Variants in IL1RAPL2 observed in about 807,000 individuals in gnomAD.
IL1RAPL2 encodes the protein X-linked interleukin-1 receptor accessory protein-like 2.
In IL1RAPL2, 3 loss-of-function variants were observed where a neutral mutation model predicts 44.1. The observed-to-expected ratio is 0.07, with a 90% CI of 0.03 to 0.18. The LOEUF (loss-of-function observed/expected upper bound fraction) is 0.18. IL1RAPL2 is among the 10% of genes least tolerant of loss of function. The pLI is 1.00. For missense variants in IL1RAPL2, 391 were observed against 496.4 expected (o/e 0.79, Z 2.02); for synonymous variants, 181 against 178.8 (o/e 1.01, Z -0.10).
intron 2 of IL1RAPL2, among the ~76,000 whole-genome samples, chrX:104,755,492 A>G (rs1283646074): frequency 9.1e-6 from 1 of 110,333 alleles, no homozygotes; most frequent in Non-Finnish European, 1.9e-5. Flanking sequence ...CCTATATAAC[A>G]AACATGCACA....
chrX:105,207,274 A>G, intron 3 of IL1RAPL2, among the ~76,000 whole-genome samples: 1 of 111,689 alleles, frequency 9.0e-6, no homozygotes, highest in Admixed American at 9.5e-5. Context: ...GACTTATAAC[A>G]AATTAAAAGG....
chrX:105,220,856 G>A (rs782557563), intron 3 of IL1RAPL2, among the ~76,000 whole-genome samples: 2 of 112,154 alleles, frequency 1.8e-5, no homozygotes, highest in African/African-American at 6.5e-5. Flanking sequence ...AGAAACAGGA[G>A]TGGTCAGAAA....
intron 2 of IL1RAPL2, among the ~76,000 whole-genome samples, chrX:104,696,459 GTTAT>G (rs1002220753): frequency 1.8e-5 from 2 of 112,014 alleles, no homozygotes; most frequent in African/African-American, 6.5e-5. Flanking sequence ...TGTGCATACA[GTTAT>G]TTGTGTGCAT....
intron 1 of IL1RAPL2, among the ~76,000 whole-genome samples, chrX:104,585,344 T>TATATAATATATA (rs1928523698): frequency 8.3e-5 from 1 of 12,114 alleles, no homozygotes; most frequent in Non-Finnish European, 1.2e-4. Flanking sequence ...TATTATATAT[T>TATATAATATATA]ATATATATTA....
chrX:105,193,855 T>C (rs2033652936), intron 2 of IL1RAPL2, among the ~76,000 whole-genome samples: 1 of 111,681 alleles, frequency 9.0e-6, no homozygotes. Flanking sequence ...GAGTTATTTA[T>C]TTGTTTGTTT....
At chrX:105,570,540 T>C (rs1212356458) in intron 6 of IL1RAPL2, among the ~76,000 whole-genome samples, 1 of 111,816 alleles carries the variant, frequency 8.9e-6, no homozygotes, top group Non-Finnish European at 1.9e-5. Flanking sequence ...TCCACAGTGG[T>C]TTTTCTAGTT....
chrX:104,947,669 A>G (rs1314775986), intron 2 of IL1RAPL2, among the ~76,000 whole-genome samples: 7 of 110,027 alleles, frequency 6.4e-5, no homozygotes, highest in Non-Finnish European at 1.3e-4. Context: ...TTTATTAAAT[A>G]GGGAATCCTT....
chrX:105,733,555 C>A (rs1191173203), intron 7 of IL1RAPL2, among the ~76,000 whole-genome samples: 1 of 110,965 alleles, frequency 9.0e-6, no homozygotes, highest in Admixed American at 9.6e-5. Flanking sequence ...TATTTTTTGT[C>A]CTTTTTTCTC....
intron 2 of IL1RAPL2, among the ~76,000 whole-genome samples, chrX:104,672,596 C>A (rs12396811): frequency 0.046 from 4,736 of 102,400 alleles, 339 homozygotes; most frequent in African/African-American, 0.16. Flanking sequence ...ATTTATAGTC[C>A]TTTGGGTATA....
chrX:105,093,644 G>A (rs778765777), intron 2 of IL1RAPL2, among the ~76,000 whole-genome samples: 5 of 111,720 alleles, frequency 4.5e-5, no homozygotes, highest in Admixed American at 9.5e-5. Flanking sequence ...TAAGCCTAGC[G>A]AAGACTGAAA....
At position 105,367,346 on chromosome X, in the gene IL1RAPL2, A is replaced by G. The variant is rs191506132; in HGVS notation, c.697+99805A>G. On this transcript the variant is annotated intron_variant, in intron 5 of 10. Transcript: ENST00000372582. ...TAAACTTAAGTCCTTACCTATCAAT[A>G]ATTACCTATTACTATTTACTTACCT... is the stretch of plus-strand genomic sequence containing the variant. 2.2e-4 allele frequency among the ~76,000 whole-genome samples: 25 copies of G among 111,458 alleles called. No individual in the cohort carries two copies. The East Asian group carries it at 7.1e-3, about 32-fold the overall frequency.
chrX:105,176,098 A>G (rs1284366066), intron 2 of IL1RAPL2, among the ~76,000 whole-genome samples: 1 of 111,381 alleles, frequency 9.0e-6, no homozygotes, highest in African/African-American at 3.3e-5. Flanking sequence ...CTGGTTAACT[A>G]ATATTATAAT....
At chrX:104,664,863 T>C (rs928349938) in intron 2 of IL1RAPL2, among the ~76,000 whole-genome samples, 3 of 111,531 alleles carry the variant, frequency 2.7e-5, no homozygotes, top group Non-Finnish European at 5.7e-5. Context: ...TCAACATCAA[T>C]ATATTTACTT....
chrX:104,707,744 C>T (rs923198473), intron 2 of IL1RAPL2, among the ~76,000 whole-genome samples: 3 of 111,451 alleles, frequency 2.7e-5, no homozygotes, highest in African/African-American at 9.8e-5. Flanking sequence ...AGTGACTAAA[C>T]CAGAGGCTGC....
chrX:105,461,809 T>C (rs968271269), intron 5 of IL1RAPL2, among the ~76,000 whole-genome samples: 1 of 111,379 alleles, frequency 9.0e-6, no homozygotes, highest in Admixed American at 9.6e-5. Context: ...ATGCTTAATG[T>C]GACACACAGA....
intron 6 of IL1RAPL2, among the ~76,000 whole-genome samples, chrX:105,658,217 A>G (rs959535564): frequency 9.0e-6 from 1 of 111,232 alleles, no homozygotes; most frequent in Non-Finnish European, 1.9e-5. Context: ...TTCAGTGTGG[A>G]GAGAGTGACT....
intron 5 of IL1RAPL2, among the ~76,000 whole-genome samples, chrX:105,403,366 T>C (rs2035619035): frequency 9.0e-6 from 1 of 111,319 alleles, no homozygotes; most frequent in African/African-American, 3.3e-5. Context: ...ACCAAGTAAA[T>C]GACATTTTGA....
chrX:105,099,453 CTTTTT>C (rs36063657), intron 2 of IL1RAPL2, among the ~76,000 whole-genome samples: 7 of 35,863 alleles, frequency 2.0e-4, no homozygotes, highest in Admixed American at 8.1e-4. Context: ...GTGCCACATA[CTTTTT>C]TTTTTTTTTT....
At chrX:104,791,283 A>T (rs1251841328) in intron 2 of IL1RAPL2, among the ~76,000 whole-genome samples, 1 of 102,056 alleles carries the variant, frequency 9.8e-6, no homozygotes, top group Non-Finnish European at 2.0e-5. Context: ...ACAACCAATG[A>T]AGGAAGAAGT....
Sources: gnomAD v4.1 joint callset for allele counts (sites outside exome capture counted in the v4.1 genomes callset) on GRCh38, gnomAD v4.1.1 for gene constraint, MANE v1.5 for transcripts, NCBI Gene and HGNC (gene_info 2026-07-23, HGNC 2026-07-21) for gene names.